EPAS1: variants seen among roughly 807,000 people sequenced by gnomAD.
The protein encoded by EPAS1 is endothelial PAS domain protein 1, also known as endothelial PAS domain-containing protein 1.
Under a neutral mutation model 87.9 loss-of-function variants are expected in EPAS1, and 23 were observed. That is an observed-to-expected ratio of 0.26 (90% CI 0.19 to 0.37). EPAS1 has a LOEUF of 0.37. Among genes scored for constraint, EPAS1 ranks in the 10% least tolerant of loss-of-function variants. The pLI is 1.00. For missense variants in EPAS1, 1,138 were observed against 1,120.7 expected, an observed-to-expected ratio of 1.02 and a Z score of -0.22; for synonymous variants, 508 against 444.3, an observed-to-expected ratio of 1.14 and a Z score of -1.80.
intron 7 of EPAS1, among the ~76,000 whole-genome samples, chr2:46,374,827 G>T (rs1684704022): frequency 1.3e-5 from 2 of 152,188 alleles, no homozygotes; most frequent in Admixed American, 1.3e-4. Context: ...TCTGTGATGT[G>T]AAACCCTTCC....
rs1187869875 is a variant in EPAS1, at chr2:46,384,726, G to GT, written c.*71dup. The GT allele has an allele frequency of 6.3e-7, 1 of 1,581,810 alleles. No individual in the cohort carries two copies. Among genetic ancestry groups the GT allele is most frequent in the Non-Finnish European group, 8.6e-7 (1 of 1,165,472 alleles). Reference sequence around the variant, plus strand: ...CCCACCAGCTTCACTCTCTCCGTCTGTTTTTGCAACTAGGTATTTCTAACG... The same window carrying GT: ...CCCACCAGCTTCACTCTCTCCGTCTGTTTTTTGCAACTAGGTATTTCTAACG... On this transcript the variant is annotated 3_prime_UTR_variant, in exon 16 of 16. Transcript: ENST00000263734.
At chr2:46,309,319 T>G (rs1417608078) in intron 1 of EPAS1, among the ~76,000 whole-genome samples, 2 of 152,236 alleles carry the variant, frequency 1.3e-5, no homozygotes, top group Non-Finnish European at 2.9e-5. Flanking sequence ...AGGCATTAGA[T>G]GGACCCTGCA....
intron 4 of EPAS1, among the ~76,000 whole-genome samples, chr2:46,359,881 T>G (rs1041984025): frequency 1.3e-5 from 2 of 152,128 alleles, no homozygotes; most frequent in African/African-American, 4.8e-5. Context: ...AAGTGGAAAA[T>G]GGTTCTGAAT....
At position 46,331,728 on chromosome 2, in the gene EPAS1, G is replaced by A. The variant is rs1465906460; in HGVS notation, c.27-15145G>A. On this transcript the variant is annotated intron_variant, in intron 1 of 15. Transcript: ENST00000263734. ...CCTTTTCTTTCTACCAACCGGCACC[G>A]AAATTCAGAGTATCCTGGACACAGC... 2.0e-5 allele frequency among the ~76,000 whole-genome samples: 3 copies of A among 152,280 alleles called. No individual in the cohort carries two copies. The East Asian group carries it at 5.8e-4, about 29-fold the overall frequency.
At position 46,323,036 on chromosome 2, in the gene EPAS1, A is replaced by C. The variant is rs55931018; in HGVS notation, c.27-23837A>C. ...TGAAAACAAACCTTGTGTGAGCTCC[A>C]GTCTTATCTGCCTAGGAGGGAAGAG... On this transcript the variant is annotated intron_variant, in intron 1 of 15. Coordinates refer to ENST00000263734, the MANE Select transcript of EPAS1 (RefSeq NM_001430.5). Among the ~76,000 whole-genome samples the C allele has an allele frequency of 1.1e-3, 166 of 152,374 alleles. 1 individual carries two copies. Among genetic ancestry groups the C allele is most frequent in the African/African-American group, 3.8e-3 (157 of 41,588 alleles).
chr2:46,357,973 T>TGAGATTCTGTCACTGGTCTGGG (rs1401725243), intron 4 of EPAS1, among the ~76,000 whole-genome samples: 7 of 152,134 alleles, frequency 4.6e-5, no homozygotes, highest in Non-Finnish European at 1.0e-4. Flanking sequence ...CTTCCAAACC[T>TGAGATTCTGTCACTGGTCTGGG]GAGATTCTGT....
intron 1 of EPAS1, among the ~76,000 whole-genome samples, chr2:46,305,035 A>G (rs1683081619): frequency 6.6e-6 from 1 of 152,212 alleles, no homozygotes; most frequent in African/African-American, 2.4e-5. Context: ...TTGCATTGAC[A>G]CATACCTTAA....
In EPAS1 at chr2:46,376,585, T is replaced by C; in HGVS notation, c.1081T>C (p.Ser361Pro). The change falls in exon 9 of 16, where the codon TCC becomes CCC. Residue 361 changes from serine (S) to proline (P), a missense_variant. By Grantham distance (74) the Ser-to-Pro change is moderately conservative. This residue lies in a region of EPAS1 where 284 missense variants were observed against 258.4 expected (regional missense o/e 1.10). Transcript: ENST00000263734. ...GGTGTTCTCCATGGACCAGACTGAATCCCTGTTCAAGCCCCACCTGATGGC... is the reference window on the plus strand; with the variant it reads ...GGTGTTCTCCATGGACCAGACTGAACCCCTGTTCAAGCCCCACCTGATGGC... ...DVVFSMDQTE[S>P]LFKPHLMAMN... 6.2e-7 allele frequency: 1 copy of C among 1,614,114 alleles called. No individual in the cohort carries two copies. The highest frequency in any genetic ancestry group is 8.5e-7 in the Non-Finnish European group (1 of 1,180,012).
Position 46,380,348 on chromosome 2 carries a change from C to A in EPAS1, c.1676C>A (p.Thr559Asn). The A allele has an allele frequency of 6.2e-7, 1 of 1,614,064 alleles. No individual in the cohort carries two copies. The highest frequency in any genetic ancestry group is 8.5e-7 in the Non-Finnish European group (1 of 1,180,004). ...CTCTTGGCGGAGAACCCACAGTCCA[C>A]CCCCCAGCACTGCTTCAGTGCCATG... The part of the protein sequence containing the change: ...ERLLAENPQS[T>N]PQHCFSAMTN... Residue 559 changes from threonine to asparagine, a missense_variant, in exon 12 of 16, where the codon ACC (threonine) becomes AAC (asparagine). By Grantham distance (65) the Thr-to-Asn change is moderately conservative (BLOSUM62 0). Transcript: ENST00000263734. This position sits in a 1 kb window ranked among gnomAD's most constrained non-coding sequence, Gnocchi z 4.4.
chr2:46,297,993 G>C (rs925904743), intron 1 of EPAS1, 56 bp downstream of exon 1: 1 of 1,597,840 alleles, frequency 6.3e-7, no homozygotes, highest in Admixed American at 1.7e-5. Context: ...GCCGGGCTGC[G>C]CGGGGCAGGC....
intron 1 of EPAS1, among the ~76,000 whole-genome samples, chr2:46,316,626 C>A (rs1426465017): frequency 6.6e-6 from 1 of 152,178 alleles, no homozygotes; most frequent in African/African-American, 2.4e-5. Flanking sequence ...ATCATCTGAG[C>A]CTTCAGTGAG....
At chr2:46,361,372 T>A (rs2103638054) in intron 6 of EPAS1, among the ~76,000 whole-genome samples, 1 of 152,264 alleles carries the variant, frequency 6.6e-6, no homozygotes, top group Admixed American at 6.5e-5. Context: ...TCTCCATACG[T>A]GTATCAGGCT....
At chr2:46,316,775 G>T (rs956548735) in intron 1 of EPAS1, among the ~76,000 whole-genome samples, 1 of 152,168 alleles carries the variant, frequency 6.6e-6, no homozygotes, top group African/African-American at 2.4e-5. Flanking sequence ...TACATCAATA[G>T]AGTCTTCTTT....
intron 6 of EPAS1, among the ~76,000 whole-genome samples, chr2:46,362,021 G>A (rs977038003): frequency 2.0e-5 from 3 of 152,162 alleles, no homozygotes; most frequent in Non-Finnish European, 4.4e-5. Flanking sequence ...CTGGGCCCAG[G>A]GTAGGCCTGG....
intron 11 of EPAS1, 45 bp downstream of exon 11, chr2:46,378,812 G>A (rs750438290): frequency 1.3e-6 from 2 of 1,496,306 alleles, no homozygotes; most frequent in Admixed American, 3.3e-5. Context: ...CCTGCTGTCT[G>A]GTGGACAGCA....
intron 4 of EPAS1, among the ~76,000 whole-genome samples, chr2:46,357,098 A>G (rs1684285073): frequency 6.6e-6 from 1 of 152,328 alleles, no homozygotes; most frequent in Middle Eastern, 3.4e-3. Context: ...AGAGTCAAGC[A>G]TCTCTGCCAA....
intron 15 of EPAS1, among the ~76,000 whole-genome samples, chr2:46,383,909 T>C (rs1282941626): frequency 6.6e-6 from 1 of 152,106 alleles, no homozygotes; most frequent in African/African-American, 2.4e-5. Context: ...GGTGGGCATC[T>C]CCCATCGGAG....
At chr2:46,328,569 A>G (rs895989163) in intron 1 of EPAS1, among the ~76,000 whole-genome samples, 6 of 152,134 alleles carry the variant, frequency 3.9e-5, no homozygotes, top group African/African-American at 1.4e-4. Flanking sequence ...CAGACCACAA[A>G]CCTTCACAGA....
intron 1 of EPAS1, among the ~76,000 whole-genome samples, chr2:46,311,330 G>C (rs996000678): frequency 3.3e-5 from 5 of 152,186 alleles, no homozygotes; most frequent in Admixed American, 2.0e-4. Context: ...AGGCTGCTGA[G>C]CCTCAGGCCC....
Sources: gnomAD v4.1 joint callset for allele counts (sites outside exome capture counted in the v4.1 genomes callset) on GRCh38, gnomAD v4.1.1 for gene constraint, gnomAD v4.1.1 regional missense constraint, Gnocchi (gnomAD v3.1) non-coding constraint, MANE v1.5 for transcripts, NCBI Gene and HGNC (gene_info 2026-07-23, HGNC 2026-07-21) for gene names.